EXD3: variants seen among roughly 807,000 people sequenced by gnomAD.
The protein encoded by EXD3 is exonuclease mut-7 homolog.
Under a neutral mutation model 98.0 loss-of-function variants are expected in EXD3, and 92 were observed. The observed-to-expected ratio is 0.94, with a 90% CI of 0.79 to 1.12. The LOEUF is 1.12. Among genes scored for constraint, EXD3 ranks in the 50% most tolerant of loss-of-function variants. EXD3 has a pLI of 0.00. For synonymous variants in EXD3, 569 were observed against 526.0 expected (o/e 1.08, Z -1.12); for missense variants, 1,222 against 1,191.6 (o/e 1.03, Z -0.38).
chr9:137,378,938 C>G (rs561023284), intron 3 of EXD3, among the ~76,000 whole-genome samples: 1 of 135,280 alleles, frequency 7.4e-6, no homozygotes, highest in African/African-American at 3.0e-5. Flanking sequence ...GTGAGGGGTA[C>G]GGGGTTTGTG....
intron 1 of EXD3, among the ~76,000 whole-genome samples, chr9:137,422,202 G>T (rs1283684285): frequency 6.6e-6 from 1 of 151,202 alleles, no homozygotes; most frequent in South Asian, 2.1e-4. Flanking sequence ...AGCCTTCCCA[G>T]CAAGAGGGGA....
In EXD3 at chr9:137,355,188, G is replaced by C. The variant is rs553640435; in HGVS notation, c.758-415C>G. On this transcript the variant is annotated intron_variant, in intron 8 of 21. Transcript: ENST00000340951. ...ATGAGCGGCAGGGACTGAGGCACAC[G>C]CACGTCCACACCCTCCGTCAGCCTC... Among the ~76,000 whole-genome samples, 5 of 152,214 alleles carry C rather than the reference G, an allele frequency of 3.3e-5. No individual in the cohort carries two copies. In the East Asian group the frequency reaches 7.7e-4, roughly 24 times the overall value.
rs528772242 is a variant in EXD3 at position 137,364,889 on chromosome 9, C to T, written c.656+1604G>A. On this transcript the variant is annotated intron_variant, in intron 7 of 21. Coordinates refer to ENST00000340951, the MANE Select transcript of EXD3 (RefSeq NM_017820.5). Reference sequence around the variant, plus strand: ...GTTCACGCTATTCTCCTGCTTCAGCCTCCCGAGTAGCTGGGACTACAGGCG... The same window carrying T: ...GTTCACGCTATTCTCCTGCTTCAGCTTCCCGAGTAGCTGGGACTACAGGCG... 7.9e-5 allele frequency among the ~76,000 whole-genome samples: 12 copies of T among 151,330 alleles called. No homozygotes were observed. In the South Asian group the frequency reaches 2.5e-3, roughly 32 times the overall value.
chr9:137,408,812 G>C (rs1282963732), intron 1 of EXD3, among the ~76,000 whole-genome samples: 1 of 152,204 alleles, frequency 6.6e-6, no homozygotes, highest in Non-Finnish European at 1.5e-5. Flanking sequence ...GGGAAGCCAG[G>C]CCAGCGGGCG....
intron 1 of EXD3, among the ~76,000 whole-genome samples, chr9:137,408,063 G>A (rs1426975111): frequency 2.6e-5 from 4 of 152,158 alleles, no homozygotes; most frequent in African/African-American, 4.8e-5. Context: ...GGGTCTCCCT[G>A]GCCCAACCTC....
intron 8 of EXD3, among the ~76,000 whole-genome samples, chr9:137,355,448 G>GAAGGAGAA (rs1564507995): frequency 1.0e-4 from 2 of 20,028 alleles, no homozygotes; most frequent in African/African-American, 3.2e-4. Context: ...AGGAAGGGAG[G>GAAGGAGAA]ATGGAGGAAG....
chr9:137,318,837 C>T (rs905514011), intron 19 of EXD3, among the ~76,000 whole-genome samples: 2 of 152,196 alleles, frequency 1.3e-5, no homozygotes, highest in African/African-American at 2.4e-5. Flanking sequence ...GTGGGGCCGG[C>T]GGTGGCCACA....
Position 137,355,365 on chromosome 9 carries a change from C to T in EXD3, c.758-592G>A, listed in dbSNP as rs533806305. ...CGACCTTTCAGGGCCCCACCCCCCA[C>T]GCCCAGAGCGCAGCCACGGGGAGCC... On this transcript the variant is annotated intron_variant, in intron 8 of 21. Transcript: ENST00000340951. 9.9e-5 allele frequency among the ~76,000 whole-genome samples: 15 copies of T among 151,334 alleles called. 1 individual carries two copies. Among genetic ancestry groups the T allele is most frequent in the South Asian group, 2.1e-4 (1 of 4,794 alleles).
chr9:137,314,236 G>A (rs770780976), intron 19 of EXD3, among the ~76,000 whole-genome samples: 12 of 152,224 alleles, frequency 7.9e-5, no homozygotes, highest in Non-Finnish European at 1.8e-4. Flanking sequence ...GCTGTCCCCA[G>A]AGTGCCTTGC....
Position 137,373,414 on chromosome 9 carries a change from C to G in EXD3, c.294+12G>C. ...GGAAGGGAGGTGACTGTCACAGAAC[C>G]CATGGGCTCACCTGGGCCAGGCTCG... On this transcript the variant is annotated intron_variant, in intron 4 of 21. Coordinates refer to ENST00000340951, the MANE Select transcript of EXD3 (RefSeq NM_017820.5). 2 of 1,603,910 alleles carry G rather than the reference C, an allele frequency of 1.2e-6. No individual in the cohort carries two copies. Among genetic ancestry groups the G allele is most frequent in the Non-Finnish European group, 1.7e-6 (2 of 1,179,022 alleles).
At chr9:137,326,516 AC>A (rs1832412160) in intron 17 of EXD3, among the ~76,000 whole-genome samples, 2 of 152,270 alleles carry the variant, frequency 1.3e-5, no homozygotes, top group South Asian at 4.1e-4. Context: ...ACAAAGTGAG[AC>A]CTTATCTCAA....
chr9:137,318,209 G>C (rs1215220520), intron 19 of EXD3, among the ~76,000 whole-genome samples: 3 of 152,114 alleles, frequency 2.0e-5, no homozygotes, highest in African/African-American at 7.2e-5. Context: ...CCCTCCTCGA[G>C]AACCCCCTCT....
In EXD3 at chr9:137,351,151, T is replaced by C. The variant is rs780115620; in HGVS notation, c.1385-4A>G. ...AGGTCCCCCACCATCCCGTAGCCTG[T>C]GGGCAGGAACCATCGTGGGAGGGGC... On this transcript the variant is annotated splice_polypyrimidine_tract_variant and splice_region_variant and intron_variant, in intron 13 of 21. Coordinates refer to ENST00000340951, the MANE Select transcript of EXD3 (RefSeq NM_017820.5). 10 of 1,568,824 alleles carry C rather than the reference T, an allele frequency of 6.4e-6. No homozygotes were observed. The Admixed American group carries it at 1.1e-4, about 18-fold the overall frequency.
At chr9:137,372,768 G>T in intron 5 of EXD3, 137 bp downstream of exon 5, 1 of 900,426 alleles carries the variant, frequency 1.1e-6, no homozygotes, top group Non-Finnish European at 1.6e-6. Flanking sequence ...GCTGCCCACG[G>T]CCGGGTCCTT....
Position 137,352,774 on chromosome 9 carries a change from GCCCCACCAGGCCCTGTGA to G in EXD3, c.871-6_882del. ...AGCTGCTCCTGAAGCCACGGGCTCTGCCCCACCAGGCCCTGTGAGGAGGGTGGCCGTGAGGATGGAGAT... is the reference window on the plus strand; with the variant it reads ...AGCTGCTCCTGAAGCCACGGGCTCTGGGAGGGTGGCCGTGAGGATGGAGAT... On this transcript the variant is annotated splice_acceptor_variant and splice_polypyrimidine_tract_variant and coding_sequence_variant and intron_variant, in exon 11 of 22. Coordinates refer to ENST00000340951, the MANE Select transcript of EXD3 (RefSeq NM_017820.5). LOFTEE classifies it high-confidence loss of function. 6.3e-7 allele frequency: 1 copy of G among 1,580,976 alleles called. No homozygotes were observed. Among genetic ancestry groups the G allele is most frequent in the Non-Finnish European group, 8.6e-7 (1 of 1,165,598 alleles).
chr9:137,336,653 G>A (rs1269863468), intron 17 of EXD3, among the ~76,000 whole-genome samples: 8 of 59,314 alleles, frequency 1.3e-4, no homozygotes, highest in African/African-American at 3.3e-4. Flanking sequence ...GTGAGACTCC[G>A]TCTAAAAAAA....
rs1215005259 is a variant in EXD3 at position 137,407,079 on chromosome 9, A to AGCGG, written c.-47-11679_-47-11676dup. The stretch of plus-strand genomic sequence containing the variant: ...ACCCGCCCGTTCACAGAGGCACCGG[A>AGCGG]GCGGGCGGGCGGGGGCGGCCTGCGG... On this transcript the variant is annotated intron_variant, in intron 1 of 21. Coordinates refer to ENST00000340951, the MANE Select transcript of EXD3 (RefSeq NM_017820.5). This position sits in a 1 kb window ranked among gnomAD's most constrained non-coding sequence, Gnocchi z 4.4. Among the ~76,000 whole-genome samples the AGCGG allele has an allele frequency of 2.0e-5, 3 of 152,078 alleles. No homozygotes were observed. Among genetic ancestry groups the AGCGG allele is most frequent in the African/African-American group, 4.8e-5 (2 of 41,426 alleles).
At chr9:137,414,426 A>T (rs1199935866) in intron 1 of EXD3, among the ~76,000 whole-genome samples, 1 of 151,762 alleles carries the variant, frequency 6.6e-6, no homozygotes, top group African/African-American at 2.4e-5. Context: ...AGCTGTGTGC[A>T]TGTTTCTGTG....
intron 1 of EXD3, among the ~76,000 whole-genome samples, chr9:137,421,842 T>C (rs1265750759): frequency 6.6e-6 from 1 of 152,180 alleles, no homozygotes; most frequent in Non-Finnish European, 1.5e-5. Context: ...CATTTCTAAG[T>C]AAACAAATAA....
Sources: gnomAD v4.1 joint callset for allele counts (sites outside exome capture counted in the v4.1 genomes callset) on GRCh38, gnomAD v4.1.1 for gene constraint, Gnocchi (gnomAD v3.1) non-coding constraint, MANE v1.5 for transcripts, NCBI Gene and HGNC (gene_info 2026-07-23, HGNC 2026-07-21) for gene names.